The following GNG7 variants were observed in gnomAD, a reference collection of about 807,000 sequenced individuals.
GNG7 encodes guanine nucleotide-binding protein G(I)/G(S)/G(O) subunit gamma-7.
GNG7 carries 1 observed loss-of-function variant against 4.0 expected under a neutral mutation model. That is an observed-to-expected ratio of 0.25 (90% CI 0.09 to 1.18). The LOEUF is 1.18. GNG7 is among the 50% of genes most tolerant of loss of function. The pLI is 0.50. For missense variants in GNG7, 86 were observed against 91.9 expected (o/e 0.94, Z 0.26); for synonymous variants, 34 against 36.9 (o/e 0.92, Z 0.29).
At chr19:2,667,343 C>A (rs139157489) in intron 1 of GNG7, among the ~76,000 whole-genome samples, 1 of 151,966 alleles carries the variant, frequency 6.6e-6, no homozygotes, top group Non-Finnish European at 1.5e-5. Context: ...AAACAAACAA[C>A]AAAAATTTTC....
intron 2 of GNG7, among the ~76,000 whole-genome samples, chr19:2,593,372 A>G (rs1283730024): frequency 6.6e-6 from 1 of 152,172 alleles, no homozygotes; most frequent in African/African-American, 2.4e-5. Context: ...AAGAAATAGT[A>G]TTGAGTCAAT....
chr19:2,531,303 C>CAAAAAAAAA (rs58133235), intron 3 of GNG7, among the ~76,000 whole-genome samples: 3 of 95,074 alleles, frequency 3.2e-5, no homozygotes, highest in Non-Finnish European at 3.9e-5. Flanking sequence ...GATTCCGTCT[C>CAAAAAAAAA]AAAAAAAAAA....
chr19:2,597,617 C>G (rs1308686093), intron 2 of GNG7, among the ~76,000 whole-genome samples: 1 of 149,646 alleles, frequency 6.7e-6, no homozygotes, highest in African/African-American at 2.5e-5. Flanking sequence ...AATAATAAGG[C>G]CGAGTGTGGT....
Position 2,612,215 on chromosome 19 carries a change from C to T in GNG7, c.-78+34009G>A, listed in dbSNP as rs1026708493. On this transcript the variant is annotated intron_variant, in intron 2 of 4. Coordinates refer to ENST00000382159, the MANE Select transcript of GNG7 (RefSeq NM_052847.3). Reference sequence around the variant, plus strand: ...TAATAATTGGATTGACTTTGGTCTACGGTCTCCCCTGGGGCCCCATCCTTC... The same window carrying T: ...TAATAATTGGATTGACTTTGGTCTATGGTCTCCCCTGGGGCCCCATCCTTC... 8.5e-5 allele frequency among the ~76,000 whole-genome samples: 13 copies of T among 152,200 alleles called. 1 individual carries two copies. In the South Asian group the frequency reaches 2.3e-3, roughly 27 times the overall value.
chr19:2,613,263 G>A (rs1446522523), intron 2 of GNG7, among the ~76,000 whole-genome samples: 1 of 152,190 alleles, frequency 6.6e-6, no homozygotes, highest in Non-Finnish European at 1.5e-5. Context: ...ACTATACGTT[G>A]AATTAGGTGT....
At chr19:2,518,497 C>A (rs1978293306) in intron 4 of GNG7, among the ~76,000 whole-genome samples, 1 of 152,194 alleles carries the variant, frequency 6.6e-6, no homozygotes, top group African/African-American at 2.4e-5. Flanking sequence ...TGGTTGGATC[C>A]CGGCCAGCAG....
At position 2,614,211 on chromosome 19, in the gene GNG7, C is replaced by T. The variant is rs903698187; in HGVS notation, c.-78+32013G>A. Among the ~76,000 whole-genome samples, 1 of 152,204 alleles carries T rather than the reference C, an allele frequency of 6.6e-6. No homozygotes were observed. The highest frequency in any genetic ancestry group is 1.5e-5 in the Non-Finnish European group (1 of 68,026). On this transcript the variant is annotated intron_variant, in intron 2 of 4. Coordinates refer to ENST00000382159, the MANE Select transcript of GNG7 (RefSeq NM_052847.3). The surrounding 1 kb of genome is among the most constrained non-coding windows in gnomAD (Gnocchi z 6.0). ...AGAGTTCCCCCAGCTACAGCCTGAGCATGGTCGCCAGAAAGCAGGTGCGGC... is the reference window on the plus strand; with the variant it reads ...AGAGTTCCCCCAGCTACAGCCTGAGTATGGTCGCCAGAAAGCAGGTGCGGC...
intron 2 of GNG7, among the ~76,000 whole-genome samples, chr19:2,560,695 G>A (rs980782677): frequency 7.9e-5 from 12 of 152,200 alleles, no homozygotes; most frequent in African/African-American, 2.2e-4. Context: ...GGTGGCTCAC[G>A]CCTGTCATCC....
intron 3 of GNG7, among the ~76,000 whole-genome samples, chr19:2,533,141 G>A (rs1405948400): frequency 1.3e-5 from 2 of 151,210 alleles, no homozygotes; most frequent in African/African-American, 2.4e-5. Context: ...ATCAAGCAAC[G>A]TGTATGATTC....
rs1351811144 is a variant in GNG7 at position 2,511,698 on chromosome 19, C to T, written c.*3324G>A. The T allele has an allele frequency of 5.0e-5, 32 of 644,830 alleles. No homozygotes were observed. Among genetic ancestry groups the T allele is most frequent in the Non-Finnish European group, 5.8e-5 (30 of 518,558 alleles). 39.9% of individuals were successfully genotyped at this position (644,830 alleles called of 1,614,324 possible). A position where few individuals can be genotyped will look rare whatever the true frequency, so the allele number is the denominator to read the frequency against. ...TGCGTGGCCTGGAGGCCTAGCGTTG[C>T]GCCTCGGACACGGTGGCCGGCCCGT... On this transcript the variant is annotated 3_prime_UTR_variant, in exon 5 of 5. Coordinates refer to ENST00000382159, the MANE Select transcript of GNG7 (RefSeq NM_052847.3). The surrounding 1 kb of genome is among the most constrained non-coding windows in gnomAD (Gnocchi z 6.3).
In GNG7 at chr19:2,512,981, C is replaced by T. The variant is rs889445948; in HGVS notation, c.*2041G>A. On this transcript the variant is annotated 3_prime_UTR_variant, in exon 5 of 5. Coordinates refer to ENST00000382159, the MANE Select transcript of GNG7 (RefSeq NM_052847.3). The surrounding 1 kb of genome is among the most constrained non-coding windows in gnomAD (Gnocchi z 4.7). ...TCTCCGGGAGCCTCTGGGGCTCTCC[C>T]GGGCCAACAGCAGGTTTGGCGGGTA... The T allele has an allele frequency of 1.7e-5, 17 of 985,304 alleles. No homozygotes were observed. The highest frequency in any genetic ancestry group is 9.4e-5 in the South Asian group (2 of 21,294). 61.0% of individuals were successfully genotyped at this position (985,304 alleles called of 1,614,324 possible). A position where few individuals can be genotyped will look rare whatever the true frequency, so the allele number is the denominator to read the frequency against.
intron 2 of GNG7, among the ~76,000 whole-genome samples, chr19:2,573,774 C>T (rs571920615): frequency 2.1e-4 from 32 of 152,188 alleles, no homozygotes; most frequent in African/African-American, 5.1e-4. Flanking sequence ...ACCTGGGAGG[C>T]GGAGGTGGCA....
At chr19:2,661,356 G>GAAAGAAAGAAAGAAAGAA (rs1256518731) in intron 1 of GNG7, among the ~76,000 whole-genome samples, 1 of 146,780 alleles carries the variant, frequency 6.8e-6, no homozygotes, top group Non-Finnish European at 1.5e-5. Context: ...AAGAAAGAAA[G>GAAAGAAAGAAAGAAAGAA]AAAGAAATGG....
intron 2 of GNG7, among the ~76,000 whole-genome samples, chr19:2,638,964 G>A (rs1336377878): frequency 6.6e-6 from 1 of 152,140 alleles, no homozygotes; most frequent in Admixed American, 6.5e-5. Flanking sequence ...CTGGCCAGGT[G>A]CGGTGGCTCA....
chr19:2,590,732 TCCATCCACCCAC>T (rs1313855488), intron 2 of GNG7, among the ~76,000 whole-genome samples: 1 of 149,870 alleles, frequency 6.7e-6, no homozygotes, highest in Non-Finnish European at 1.5e-5. Context: ...CATCCATCCA[TCCATCCACCCAC>T]CCATCCACCC....
intron 1 of GNG7, among the ~76,000 whole-genome samples, chr19:2,648,312 C>T (rs1415670910): frequency 6.6e-6 from 1 of 151,764 alleles, no homozygotes; most frequent in Non-Finnish European, 1.5e-5. Flanking sequence ...AGGAGGATCA[C>T]TTGAGCCCAG....
intron 1 of GNG7, among the ~76,000 whole-genome samples, chr19:2,685,590 A>C (rs1367632839): frequency 6.6e-6 from 1 of 152,112 alleles, no homozygotes; most frequent in East Asian, 1.9e-4. Flanking sequence ...GCACCACTGC[A>C]CTCCAGCCTG....
At chr19:2,522,560 G>T (rs1473167196) in intron 3 of GNG7, among the ~76,000 whole-genome samples, 1 of 151,664 alleles carries the variant, frequency 6.6e-6, no homozygotes, top group Non-Finnish European at 1.5e-5. Context: ...GGGTCACAAG[G>T]TCAGGAGATC....
intron 4 of GNG7, among the ~76,000 whole-genome samples, chr19:2,516,648 C>G (rs1972739259): frequency 6.6e-6 from 1 of 152,206 alleles, no homozygotes; most frequent in Non-Finnish European, 1.5e-5. Context: ...ATTCTCACCC[C>G]AAGGAAGGAA....
Sources: allele counts gnomAD v4.1 joint callset (sites outside exome capture counted in the v4.1 genomes callset), GRCh38; gene constraint gnomAD v4.1.1; non-coding constraint Gnocchi (gnomAD v3.1); transcripts MANE v1.5; gene names NCBI Gene and HGNC (gene_info 2026-07-23, HGNC 2026-07-21).